Variants in RANBP2 observed in about 807,000 individuals in gnomAD.
RANBP2 encodes RAN binding protein 2.
Under a neutral mutation model 303.6 loss-of-function variants are expected in RANBP2, and 57 were observed. The observed-to-expected ratio is 0.19, with a 90% CI of 0.15 to 0.23. The LOEUF is 0.23. Among genes scored for constraint, RANBP2 ranks in the 10% least tolerant of loss-of-function variants. The pLI is 1.00. For synonymous variants in RANBP2, 1,167 were observed against 1,301.5 expected, an observed-to-expected ratio of 0.90 and a Z score of 2.23; for missense variants, 3,138 against 3,780.8, an observed-to-expected ratio of 0.83 and a Z score of 4.46.
At chr2:108,860,934 A>ATTTTTTTT in the RANBP2 span, among the ~76,000 whole-genome samples, 144 of 11,276 alleles carry the variant, frequency 0.013, no homozygotes, top group Middle Eastern at 0.25. Context: ...CTGGTCCAGG[A>ATTTTTTTT]CTTTTTTTTT....
chr2:109,039,356 A>ATTT, the RANBP2 span, among the ~76,000 whole-genome samples: 3 of 147,724 alleles, frequency 2.0e-5, no homozygotes, highest in African/African-American at 4.9e-5. Flanking sequence ...GTCTTTTAAG[A>ATTT]TTTTTTTTTT....
At chr2:109,366,285 A>T in the RANBP2 span, among the ~76,000 whole-genome samples, 1 of 152,202 alleles carries the variant, frequency 6.6e-6, no homozygotes, top group Non-Finnish European at 1.5e-5. Flanking sequence ...TCGTTTAAAA[A>T]TAACTATCAA....
At chr2:109,564,644 C>T in the RANBP2 span, 1 of 959,758 alleles carries the variant, frequency 1.0e-6, no homozygotes, top group Non-Finnish European at 1.4e-6. Context: ...CAACAAATAG[C>T]AAATGATCAG....
chr2:109,575,298 A>G, the RANBP2 span, among the ~76,000 whole-genome samples: 2 of 152,252 alleles, frequency 1.3e-5, no homozygotes, highest in African/African-American at 2.4e-5. Context: ...ATAGGCATCA[A>G]TAACTCAAAA....
chr2:109,052,937 C>T, the RANBP2 span, among the ~76,000 whole-genome samples: 1 of 152,260 alleles, frequency 6.6e-6, no homozygotes, highest in South Asian at 2.1e-4. Context: ...TATGTTTGTC[C>T]TTAAGCCAAC....
the RANBP2 span, among the ~76,000 whole-genome samples, chr2:109,684,531 A>C: frequency 2.3e-4 from 25 of 107,396 alleles, no homozygotes; most frequent in South Asian, 3.5e-4. Context: ...GAGCCACTGC[A>C]CCCGGGCTTT....
the RANBP2 span, among the ~76,000 whole-genome samples, chr2:109,212,910 G>A: frequency 1.3e-5 from 2 of 152,210 alleles, no homozygotes; most frequent in East Asian, 3.9e-4. Flanking sequence ...TGGAACTTCT[G>A]TTGGGTGGGG....
the RANBP2 span, among the ~76,000 whole-genome samples, chr2:108,922,798 C>T: frequency 6.6e-6 from 1 of 152,160 alleles, no homozygotes; most frequent in South Asian, 2.1e-4. Context: ...CAGCACATTC[C>T]TCTGAGGCAG....
chr2:108,749,013 A>T lies in RANBP2; in HGVS notation c.1157A>T (p.Tyr386Phe). ...FANKSGQSAL[Y>F]DALFSSQSPK... The stretch of plus-strand genomic sequence containing the variant: ...AACAAAAGCGGGCAGTCTGCATTAT[A>T]TGATGCTCTGTTTTCTAGTCAGTCA... Residue 386 changes from tyrosine (Y) to phenylalanine (F), a missense_variant, in exon 9 of 29, where the codon TAT (tyrosine) becomes TTT (phenylalanine). Transcript: ENST00000283195. 1 of 1,611,986 alleles carries T rather than the reference A, an allele frequency of 6.2e-7. No individual in the cohort carries two copies. The highest frequency in any genetic ancestry group is 8.5e-7 in the Non-Finnish European group (1 of 1,179,846).
intron 19 of RANBP2, among the ~76,000 whole-genome samples, chr2:108,762,970 C>T (rs1241472323): frequency 2.0e-5 from 3 of 152,068 alleles, no homozygotes; most frequent in Non-Finnish European, 4.4e-5. Flanking sequence ...TTCTCTTAAC[C>T]TACTTATGCC....
chr2:109,079,724 C>T, the RANBP2 span, among the ~76,000 whole-genome samples: 1 of 152,180 alleles, frequency 6.6e-6, no homozygotes. Context: ...ACATAACACT[C>T]AAGGCCTGGT....
chr2:109,210,448 A>G, the RANBP2 span, among the ~76,000 whole-genome samples: 1 of 152,212 alleles, frequency 6.6e-6, no homozygotes, highest in Non-Finnish European at 1.5e-5. Context: ...TGTTGTTTTC[A>G]GAGTTGCCCA....
chr2:109,734,144 A>C, the RANBP2 span, among the ~76,000 whole-genome samples: 9 of 148,228 alleles, frequency 6.1e-5, no homozygotes, highest in African/African-American at 2.3e-4. Context: ...ATGCCATTGC[A>C]CTCCAGCCAG....
chr2:109,063,822 A>T, the RANBP2 span, among the ~76,000 whole-genome samples: 1 of 152,072 alleles, frequency 6.6e-6, no homozygotes, highest in South Asian at 2.1e-4. Flanking sequence ...ACAAAAAAAC[A>T]ACGTAGTGTC....
chr2:108,886,414 C>T, the RANBP2 span, among the ~76,000 whole-genome samples: 1 of 151,938 alleles, frequency 6.6e-6, no homozygotes, highest in Non-Finnish European at 1.5e-5. Flanking sequence ...GTCCTTTGCC[C>T]ACTTTATTTA....
chr2:108,736,640 A>G (rs1695611561), intron 6 of RANBP2, among the ~76,000 whole-genome samples: 1 of 152,268 alleles, frequency 6.6e-6, no homozygotes, highest in East Asian at 1.9e-4. Context: ...ATGTATTAGT[A>G]TAAGCACTTA....
At chr2:109,159,475 T>G in the RANBP2 span, among the ~76,000 whole-genome samples, 2 of 152,236 alleles carry the variant, frequency 1.3e-5, no homozygotes, top group Non-Finnish European at 2.9e-5. Flanking sequence ...AAGAATTGGC[T>G]TGTTTTACAA....
At chr2:109,031,878 G>A in the RANBP2 span, among the ~76,000 whole-genome samples, 1 of 151,726 alleles carries the variant, frequency 6.6e-6, no homozygotes, top group Non-Finnish European at 1.5e-5. Flanking sequence ...CTTGTCCCGT[G>A]AGCGCTACCA....
the RANBP2 span, among the ~76,000 whole-genome samples, chr2:109,178,140 C>T: frequency 2.0e-5 from 3 of 152,314 alleles, no homozygotes; most frequent in African/African-American, 7.2e-5. Flanking sequence ...ATACAACAAA[C>T]CTACCCTTTC....
Sources: allele counts gnomAD v4.1 joint callset (sites outside exome capture counted in the v4.1 genomes callset), GRCh38; gene constraint gnomAD v4.1.1; transcripts MANE v1.5; gene names NCBI Gene and HGNC (gene_info 2026-07-23, HGNC 2026-07-21).